LRCH1: variants seen among roughly 807,000 people sequenced by gnomAD.
The protein encoded by LRCH1 is leucine-rich repeat and calponin homology domain-containing protein 1.
In LRCH1, 23 loss-of-function variants were observed where a neutral mutation model predicts 94.9. The observed-to-expected ratio is 0.24, with a 90% CI of 0.17 to 0.34. The LOEUF (loss-of-function observed/expected upper bound fraction) is 0.34, where lower values mean the gene tolerates loss of function less well. Ranked by LOEUF, LRCH1 falls within the 10% of genes least tolerant of loss-of-function variation. The pLI, the probability that LRCH1 is intolerant of heterozygous loss-of-function variation, is 1.00. For synonymous variants in LRCH1, 364 were observed against 354.9 expected (o/e 1.03, Z -0.29); for missense variants, 790 against 945.9 (o/e 0.84, Z 2.16).
intron 1 of LRCH1, among the ~76,000 whole-genome samples, chr13:46,615,476 A>T (rs1323482392): frequency 6.6e-6 from 1 of 152,054 alleles, no homozygotes; most frequent in Non-Finnish European, 1.5e-5. Flanking sequence ...CACCTCCAAC[A>T]TTGGAGGTCA....
chr13:46,695,390 A>T (rs1018578639), intron 9 of LRCH1, among the ~76,000 whole-genome samples: 1 of 152,216 alleles, frequency 6.6e-6, no homozygotes, highest in Non-Finnish European at 1.5e-5. Flanking sequence ...TGAAGACAAA[A>T]GTGGAGACTT....
intron 1 of LRCH1, among the ~76,000 whole-genome samples, chr13:46,597,953 CT>C (rs2050583646): frequency 6.6e-6 from 1 of 152,106 alleles, no homozygotes; most frequent in South Asian, 2.1e-4. Flanking sequence ...TTCAAGGCAA[CT>C]TCATAGACAG....
intron 1 of LRCH1, among the ~76,000 whole-genome samples, chr13:46,593,285 T>C (rs1566163907): frequency 1.1e-4 from 1 of 9,314 alleles, no homozygotes; most frequent in Admixed American, 1.9e-3. Context: ...TTTCTTTCCT[T>C]TTTTTTTTTT....
chr13:46,651,655 C>G (rs2051300774), intron 2 of LRCH1, among the ~76,000 whole-genome samples: 1 of 146,656 alleles, frequency 6.8e-6, no homozygotes, highest in Admixed American at 6.7e-5. Context: ...AAGCGAAACT[C>G]CATGTCAAAA....
chr13:46,653,356 A>T (rs2051331090), intron 2 of LRCH1, among the ~76,000 whole-genome samples: 1 of 152,182 alleles, frequency 6.6e-6, no homozygotes, highest in Non-Finnish European at 1.5e-5. Flanking sequence ...TCTTTGAAGG[A>T]ATTTGACAAA....
At chr13:46,621,145 C>T (rs962072316) in intron 1 of LRCH1, among the ~76,000 whole-genome samples, 2 of 152,226 alleles carry the variant, frequency 1.3e-5, no homozygotes, top group African/African-American at 4.8e-5. Context: ...CTCTAACATG[C>T]GTTCCGCTAG....
intron 16 of LRCH1, among the ~76,000 whole-genome samples, chr13:46,721,047 T>C (rs1235788263): frequency 6.6e-6 from 1 of 152,206 alleles, no homozygotes; most frequent in Non-Finnish European, 1.5e-5. Context: ...ATGCATGTTA[T>C]ATTTTTAAGA....
chr13:46,657,500 C>CTTTT lies in LRCH1; in HGVS notation c.452+7194_452+7197dup, dbSNP rs67588975. ...TCATTTTTACTTTTTCTTTTCTTTT[C>CTTTT]TTTTTTTTTTTTTTTTTTTTTTTTT... On this transcript the variant is annotated intron_variant, in intron 2 of 19. Transcript: ENST00000389797. 2.2e-3 allele frequency among the ~76,000 whole-genome samples: 25 copies of CTTTT among 11,374 alleles called. 1 individual carries two copies. Among genetic ancestry groups the CTTTT allele is most frequent in the Non-Finnish European group, 3.4e-3 (21 of 6,128 alleles). The allele number at this position is 11,374 out of a possible 152,430, so 7.5% of individuals were successfully genotyped here.
In LRCH1 at chr13:46,742,347, T is replaced by C; in HGVS notation, c.*499T>C. 2 of 999,036 alleles carry C rather than the reference T, an allele frequency of 2.0e-6. No individual in the cohort carries two copies. Among genetic ancestry groups the C allele is most frequent in the Non-Finnish European group, 2.4e-6 (2 of 837,602 alleles). 61.9% of individuals were successfully genotyped at this position (999,036 alleles called of 1,614,324 possible). A position where few individuals can be genotyped will look rare whatever the true frequency, so the allele number is the denominator to read the frequency against. ...ACTAACATTTTGGCCCAACTTGATC[T>C]ATACAAAACTTTAATAATACCACTA... On this transcript the variant is annotated 3_prime_UTR_variant, in exon 20 of 20. Coordinates refer to ENST00000389797, the MANE Select transcript of LRCH1 (RefSeq NM_001164211.2).
chr13:46,589,726 G>T (rs752910482), intron 1 of LRCH1, among the ~76,000 whole-genome samples: 1 of 149,440 alleles, frequency 6.7e-6, no homozygotes, highest in African/African-American at 2.5e-5. Flanking sequence ...TCAGCCTTCC[G>T]AGTAGGTGGG....
intron 2 of LRCH1, among the ~76,000 whole-genome samples, chr13:46,651,566 C>T (rs956333527): frequency 4.0e-5 from 6 of 151,296 alleles, no homozygotes; most frequent in African/African-American, 1.5e-4. Flanking sequence ...GAAGCTGAGG[C>T]AGGAGAATCG....
At chr13:46,716,327 A>G (rs1210338538) in intron 16 of LRCH1, among the ~76,000 whole-genome samples, 1 of 152,152 alleles carries the variant, frequency 6.6e-6, no homozygotes, top group Admixed American at 6.5e-5. Flanking sequence ...TTAATTTTGA[A>G]TCTTATATAG....
chr13:46,637,843 G>A lies in LRCH1; in HGVS notation c.308-12358G>A, dbSNP rs145036858. The stretch of plus-strand genomic sequence containing the variant: ...TAGAGAGCGGGATTTCCTTGCCAGC[G>A]TTCGCTGGATTTGCCCACTGCTTAG... On this transcript the variant is annotated intron_variant, in intron 1 of 19. Coordinates refer to ENST00000389797, the MANE Select transcript of LRCH1 (RefSeq NM_001164211.2). Among the ~76,000 whole-genome samples, 24 of 152,272 alleles carry A rather than the reference G, an allele frequency of 1.6e-4. No homozygotes were observed. The East Asian group carries it at 3.5e-3, about 22-fold the overall frequency.
intron 1 of LRCH1, among the ~76,000 whole-genome samples, chr13:46,557,049 A>T (rs1402482590): frequency 2.0e-5 from 3 of 152,214 alleles, no homozygotes; most frequent in Non-Finnish European, 4.4e-5. Flanking sequence ...ATTGCTTTGT[A>T]TTGACTTCAG....
chr13:46,582,007 G>T (rs887066443), intron 1 of LRCH1, among the ~76,000 whole-genome samples: 3 of 152,056 alleles, frequency 2.0e-5, no homozygotes, highest in African/African-American at 4.8e-5. Context: ...AAAATTAGCC[G>T]GGCGTGCTGG....
At position 46,742,180 on chromosome 13, in the gene LRCH1, G is replaced by A; in HGVS notation, c.*332G>A. ...GTGAGCTGCTGCCCTGGGCAGAGGGGAGGAGAATTCCAGGACAAGAGTGTC... is the reference window on the plus strand; with the variant it reads ...GTGAGCTGCTGCCCTGGGCAGAGGGAAGGAGAATTCCAGGACAAGAGTGTC... On this transcript the variant is annotated 3_prime_UTR_variant, in exon 20 of 20. Transcript: ENST00000389797. The A allele has an allele frequency of 8.6e-7, 1 of 1,160,010 alleles. No individual in the cohort carries two copies. The highest frequency in any genetic ancestry group is 1.1e-6 in the Non-Finnish European group (1 of 936,642). 71.9% of individuals were successfully genotyped at this position (1,160,010 alleles called of 1,614,324 possible). A position where few individuals can be genotyped will look rare whatever the true frequency, so the allele number is the denominator to read the frequency against.
chr13:46,716,974 G>T (rs1286743827), intron 16 of LRCH1, among the ~76,000 whole-genome samples: 1 of 151,152 alleles, frequency 6.6e-6, no homozygotes, highest in Non-Finnish European at 1.5e-5. Context: ...GCCTAATGTT[G>T]TTTAAAGGAA....
chr13:46,678,573 A>G (rs574101116), intron 3 of LRCH1, among the ~76,000 whole-genome samples: 2 of 152,330 alleles, frequency 1.3e-5, no homozygotes, highest in Admixed American at 6.5e-5. Context: ...GTGAATGGAC[A>G]ATTGGACTTT....
chr13:46,644,222 G>T (rs1385803064), intron 1 of LRCH1, among the ~76,000 whole-genome samples: 1 of 152,212 alleles, frequency 6.6e-6, no homozygotes, highest in Non-Finnish European at 1.5e-5. Context: ...TGAAGCTCCA[G>T]TGTCAGGCAT....
Sources: allele counts gnomAD v4.1 joint callset (sites outside exome capture counted in the v4.1 genomes callset), GRCh38; gene constraint gnomAD v4.1.1; transcripts MANE v1.5; gene names NCBI Gene and HGNC (gene_info 2026-07-23, HGNC 2026-07-21).